Variants in SIPA1L3 observed in about 807,000 individuals in gnomAD.
SIPA1L3 encodes signal-induced proliferation-associated 1-like protein 3.
A neutral mutation model predicts 150.1 loss-of-function variants in SIPA1L3; 59 were observed. The ratio of observed to expected loss-of-function variants is 0.39; its 90% CI spans 0.32 to 0.49. SIPA1L3 has a LOEUF of 0.49. Among genes scored for constraint, SIPA1L3 ranks in the 20% least tolerant of loss-of-function variants. The pLI, the probability that SIPA1L3 is intolerant of heterozygous loss-of-function variation, is 0.86. For synonymous variants in SIPA1L3, 1,070 were observed against 1,077.6 expected (o/e 0.99, Z 0.14); for missense variants, 2,211 against 2,489.5 (o/e 0.89, Z 2.38).
chr19:38,020,836 C>T (rs765236221), intron 1 of SIPA1L3, among the ~76,000 whole-genome samples: 9 of 151,752 alleles, frequency 5.9e-5, no homozygotes, highest in Non-Finnish European at 1.0e-4. Flanking sequence ...GAGATGGAGT[C>T]TCACTCTGTC....
chr19:37,962,797 T>A (rs1299550336), intron 1 of SIPA1L3, among the ~76,000 whole-genome samples: 2 of 152,168 alleles, frequency 1.3e-5, no homozygotes, highest in East Asian at 3.9e-4. Context: ...CAGCCTCAGT[T>A]TGTTTTGTTG....
At position 38,164,490 on chromosome 19, in the gene SIPA1L3, A is replaced by G. The variant is rs1427156453; in HGVS notation, c.3792A>G (p.Gln1264=). 10 of 1,608,924 alleles carry G rather than the reference A, an allele frequency of 6.2e-6. No individual in the cohort carries two copies. The highest frequency in any genetic ancestry group is 2.7e-5 in the African/African-American group (2 of 74,790). The change falls in exon 15 of 22, where the codon CAA becomes CAG. Residue 1264 remains glutamine, a synonymous_variant. Transcript: ENST00000222345. This position sits in a 1 kb window ranked among gnomAD's most constrained non-coding sequence, Gnocchi z 4.1. ...CTCTTGCCTCTCAGGGAGAACCTCA[A>G]TACTCAAGTCATTCCAGCAGCAACA... ...SPNRHSKGEP[Q]YSSHSSSNTL...
chr19:37,939,512 G>A (rs55752822), intron 1 of SIPA1L3, among the ~76,000 whole-genome samples: 40,985 of 151,928 alleles, frequency 0.27, 6,311 homozygotes, highest in Non-Finnish European at 0.36. Flanking sequence ...AAGGAGCCCC[G>A]TAATAGACAG....
intron 1 of SIPA1L3, among the ~76,000 whole-genome samples, chr19:38,028,317 C>T (rs1237432751): frequency 1.3e-5 from 2 of 152,190 alleles, no homozygotes; most frequent in Non-Finnish European, 2.9e-5. Flanking sequence ...GTCCCCCCTG[C>T]CACCGCTTGC....
At position 38,100,910 on chromosome 19, in the gene SIPA1L3, T is replaced by C. The variant is rs190528799; in HGVS notation, c.1855-142T>C. 8.8e-6 allele frequency: 8 copies of C among 912,234 alleles called. No homozygotes were observed. In the African/African-American group the frequency reaches 1.4e-4, roughly 16 times the overall value. 56.5% of individuals were successfully genotyped at this position (912,234 alleles called of 1,614,324 possible). A position where few individuals can be genotyped will look rare whatever the true frequency, so the allele number is the denominator to read the frequency against. On this transcript the variant is annotated intron_variant, in intron 5 of 21. Transcript: ENST00000222345. ...ACATGCTGCCATGCCCCAACACTGT[T>C]TTCCCCTGTCTGGCTATGGCTCTGG... is the stretch of plus-strand genomic sequence containing the variant.
At chr19:38,165,471 G>A (rs1055154511) in intron 15 of SIPA1L3, among the ~76,000 whole-genome samples, 2 of 152,188 alleles carry the variant, frequency 1.3e-5, no homozygotes, top group East Asian at 1.9e-4. Flanking sequence ...GCTGCCTGGT[G>A]AGTGGCAGTT....
At chr19:38,060,069 G>A (rs1568526356) in intron 2 of SIPA1L3, among the ~76,000 whole-genome samples, 1 of 152,086 alleles carries the variant, frequency 6.6e-6, no homozygotes, top group Admixed American at 6.6e-5. Flanking sequence ...GCCACCGCAC[G>A]TGACCAGAAC....
intron 12 of SIPA1L3, 21 bp downstream of exon 12, chr19:38,142,731 T>G: frequency 6.2e-7 from 1 of 1,606,204 alleles, no homozygotes; most frequent in Non-Finnish European, 8.5e-7. Flanking sequence ...CTCAATTCTT[T>G]TCATGTTAAG....
intron 1 of SIPA1L3, among the ~76,000 whole-genome samples, chr19:37,912,523 G>A (rs545398096): frequency 6.6e-6 from 1 of 152,094 alleles, no homozygotes; most frequent in East Asian, 1.9e-4. Context: ...TTAGAGACAG[G>A]GTCACTCTGT....
chr19:38,119,293 T>C lies in SIPA1L3; in HGVS notation c.2292-13T>C. 1.9e-6 allele frequency: 3 copies of C among 1,596,008 alleles called. No individual in the cohort carries two copies. The highest frequency in any genetic ancestry group is 2.6e-6 in the Non-Finnish European group (3 of 1,168,484). The stretch of plus-strand genomic sequence containing the variant: ...CTTTCTTCCCACCATCTAAATAATC[T>C]CTCCCTCCACAGTATGGCTGTGACC... On this transcript the variant is annotated splice_polypyrimidine_tract_variant and intron_variant, in intron 8 of 21. Coordinates refer to ENST00000222345, the MANE Select transcript of SIPA1L3 (RefSeq NM_015073.3).
At chr19:37,911,939 G>C (rs2046380877) in intron 1 of SIPA1L3, among the ~76,000 whole-genome samples, 2 of 151,950 alleles carry the variant, frequency 1.3e-5, no homozygotes, top group Non-Finnish European at 2.9e-5. Flanking sequence ...AGGCGTGGTG[G>C]CCGGTGCCTG....
chr19:37,927,685 GTGTGTGTA>G (rs374993105), intron 1 of SIPA1L3, among the ~76,000 whole-genome samples: 62 of 137,914 alleles, frequency 4.5e-4, no homozygotes, highest in Non-Finnish European at 3.8e-4. Flanking sequence ...GTGTGTGTGT[GTGTGTGTA>G]TGCAATGTTT....
chr19:38,013,415 A>C (rs1968154009), intron 1 of SIPA1L3, among the ~76,000 whole-genome samples: 1 of 152,160 alleles, frequency 6.6e-6, no homozygotes, highest in Non-Finnish European at 1.5e-5. Flanking sequence ...GAAAAAAAAA[A>C]GTTTTATGAG....
chr19:38,068,879 A>G (rs1037068815), intron 2 of SIPA1L3, among the ~76,000 whole-genome samples: 1 of 152,156 alleles, frequency 6.6e-6, no homozygotes, highest in African/African-American at 2.4e-5. Flanking sequence ...AATTTATTTA[A>G]AAAGGAAAAG....
chr19:38,031,791 TAG>T (rs1477442384), intron 2 of SIPA1L3, among the ~76,000 whole-genome samples: 1 of 151,992 alleles, frequency 6.6e-6, no homozygotes, highest in African/African-American at 2.4e-5. Context: ...AAAAATAAAA[TAG>T]AAACAAATTA....
intron 8 of SIPA1L3, among the ~76,000 whole-genome samples, chr19:38,112,522 C>A (rs1970787884): frequency 6.6e-6 from 1 of 152,210 alleles, no homozygotes; most frequent in Non-Finnish European, 1.5e-5. Context: ...TTCTCTCTCA[C>A]ACACAAACCT....
chr19:38,132,159 A>C (rs889265890), intron 10 of SIPA1L3, among the ~76,000 whole-genome samples: 5 of 151,988 alleles, frequency 3.3e-5, no homozygotes, highest in Non-Finnish European at 5.9e-5. Flanking sequence ...AAATCACTTG[A>C]GCCTAGGAAG....
In SIPA1L3 at chr19:37,971,644, C is replaced by T. The variant is rs117311108; in HGVS notation, c.-378-57445C>T. ...ACAGTGGCGCGATCTCGGCTCACTG[C>T]TACTTCGCTTCCCAGGTTCAAGCAG... On this transcript the variant is annotated intron_variant, in intron 1 of 21. Transcript: ENST00000222345. 7.1e-3 allele frequency among the ~76,000 whole-genome samples: 1,083 copies of T among 152,104 alleles called. 36 individuals are homozygous for T. The highest frequency in any genetic ancestry group is 0.066 in the East Asian group (339 of 5,164).
At chr19:37,994,450 A>G (rs1967585326) in intron 1 of SIPA1L3, among the ~76,000 whole-genome samples, 1 of 152,028 alleles carries the variant, frequency 6.6e-6, no homozygotes, top group Admixed American at 6.6e-5. Context: ...GAAAGGCTGA[A>G]GCTCCCTCAG....
Sources: gnomAD v4.1 joint callset for allele counts (sites outside exome capture counted in the v4.1 genomes callset) on GRCh38, gnomAD v4.1.1 for gene constraint, Gnocchi (gnomAD v3.1) non-coding constraint, MANE v1.5 for transcripts, NCBI Gene and HGNC (gene_info 2026-07-23, HGNC 2026-07-21) for gene names.